Variants in CDH13 observed in about 807,000 individuals in gnomAD.
CDH13 encodes the protein cadherin-13.
In CDH13, 24 loss-of-function variants were observed where a neutral mutation model predicts 63.8. The ratio of observed to expected loss-of-function variants is 0.38; its 90% CI spans 0.27 to 0.53. CDH13 has a LOEUF of 0.53. Among genes scored for constraint, CDH13 ranks in the 20% least tolerant of loss-of-function variants. The pLI is 0.85. For missense variants in CDH13, 1,049 were observed against 903.1 expected, an observed-to-expected ratio of 1.16 and a Z score of -2.07; for synonymous variants, 503 against 355.3, an observed-to-expected ratio of 1.42 and a Z score of -4.67.
chr16:83,109,510 TAATA>T (rs772824810), intron 3 of CDH13, among the ~76,000 whole-genome samples: 6 of 152,158 alleles, frequency 3.9e-5, no homozygotes, highest in African/African-American at 1.4e-4. Context: ...GTCAAACCCC[TAATA>T]AATACCCACT....
At chr16:83,374,515 A>C (rs993965860) in intron 6 of CDH13, among the ~76,000 whole-genome samples, 4 of 152,362 alleles carry the variant, frequency 2.6e-5, no homozygotes, top group Middle Eastern at 3.4e-3. Context: ...CGTAGAAAAC[A>C]TACCCCAAAC....
intron 13 of CDH13, among the ~76,000 whole-genome samples, chr16:83,789,410 G>A (rs994408822): frequency 2.0e-5 from 3 of 150,680 alleles, no homozygotes; most frequent in African/African-American, 7.3e-5. Flanking sequence ...GCAAGGGCGC[G>A]ATTTTGGCTC....
chr16:83,553,850 C>T (rs1275774159), intron 7 of CDH13, among the ~76,000 whole-genome samples: 1 of 152,254 alleles, frequency 6.6e-6, no homozygotes, highest in Admixed American at 6.5e-5. Flanking sequence ...AGCCACCACA[C>T]CCAGCCCAAA....
At chr16:83,568,785 C>T (rs140943634) in intron 7 of CDH13, among the ~76,000 whole-genome samples, 45 of 152,272 alleles carry the variant, frequency 3.0e-4, no homozygotes, top group African/African-American at 1.1e-3. Context: ...CCCAGTTCCT[C>T]CTCCAGAGCT....
intron 3 of CDH13, among the ~76,000 whole-genome samples, chr16:83,078,971 A>G (rs1209801169): frequency 6.6e-6 from 1 of 151,846 alleles, no homozygotes; most frequent in East Asian, 1.9e-4. Flanking sequence ...ATTTTTGTAT[A>G]TTTAGTAGAG....
intron 7 of CDH13, among the ~76,000 whole-genome samples, chr16:83,594,194 T>C (rs1383049195): frequency 1.3e-5 from 2 of 152,230 alleles, no homozygotes; most frequent in African/African-American, 2.4e-5. Context: ...TCTTGTTACA[T>C]CTTCGAAAGA....
chr16:83,403,708 C>A (rs530861911), intron 6 of CDH13, among the ~76,000 whole-genome samples: 1 of 152,230 alleles, frequency 6.6e-6, no homozygotes, highest in East Asian at 1.9e-4. Context: ...AATTTCCAGG[C>A]TATCTCACAC....
At chr16:83,618,673 C>T (rs921487211) in intron 8 of CDH13, among the ~76,000 whole-genome samples, 4 of 151,942 alleles carry the variant, frequency 2.6e-5, no homozygotes, top group South Asian at 2.1e-4. Context: ...AATTCCATCT[C>T]AGAAGTGAAT....
intron 1 of CDH13, among the ~76,000 whole-genome samples, chr16:82,692,641 C>G (rs530582342): frequency 6.6e-6 from 1 of 152,322 alleles, no homozygotes; most frequent in East Asian, 1.9e-4. Context: ...CAGACCACAT[C>G]AGAAACCTTC....
Position 83,346,489 on chromosome 16 carries a change from C to T in CDH13, c.781+1483C>T, listed in dbSNP as rs555754083. On this transcript the variant is annotated intron_variant, in intron 6 of 13. Transcript: ENST00000567109. ...ATTCCCAATTGCTATCTGTGGTACTCGGGCCCCATGAGTGAGTGACTAGAA... is the reference window on the plus strand; with the variant it reads ...ATTCCCAATTGCTATCTGTGGTACTTGGGCCCCATGAGTGAGTGACTAGAA... Among the ~76,000 whole-genome samples, 5 of 152,274 alleles carry T rather than the reference C, an allele frequency of 3.3e-5. No homozygotes were observed. In the South Asian group the frequency reaches 8.3e-4, roughly 25 times the overall value.
At chr16:82,938,839 A>AG (rs954086170) in intron 2 of CDH13, among the ~76,000 whole-genome samples, 5 of 152,190 alleles carry the variant, frequency 3.3e-5, no homozygotes, top group African/African-American at 1.2e-4. Context: ...ATCCATCCTG[A>AG]GGAGGGAGGG....
At chr16:83,410,452 G>C (rs1352612169) in intron 6 of CDH13, among the ~76,000 whole-genome samples, 1 of 152,102 alleles carries the variant, frequency 6.6e-6, no homozygotes, top group Non-Finnish European at 1.5e-5. Flanking sequence ...ACAATCTATA[G>C]ATCAAGATAA....
At chr16:83,363,854 C>T (rs961018941) in intron 6 of CDH13, among the ~76,000 whole-genome samples, 2 of 152,002 alleles carry the variant, frequency 1.3e-5, no homozygotes, top group African/African-American at 2.4e-5. Flanking sequence ...TAAAATGGCC[C>T]GAGAGCAAGA....
chr16:82,676,206 C>G (rs1253046115), intron 1 of CDH13, among the ~76,000 whole-genome samples: 2 of 152,274 alleles, frequency 1.3e-5, no homozygotes, highest in Non-Finnish European at 2.9e-5. Context: ...TCTTGGTGCT[C>G]CAGAGCTGTA....
chr16:83,541,072 C>T (rs534558859), intron 7 of CDH13, among the ~76,000 whole-genome samples: 12 of 152,242 alleles, frequency 7.9e-5, no homozygotes, highest in Admixed American at 7.2e-4. Flanking sequence ...CACTCCCGCT[C>T]AATCCCCAGG....
chr16:83,584,298 C>T (rs1394058866), intron 7 of CDH13, among the ~76,000 whole-genome samples: 1 of 152,190 alleles, frequency 6.6e-6, no homozygotes, highest in Non-Finnish European at 1.5e-5. Context: ...CACTGCACTC[C>T]AGCCCGGGCA....
At chr16:82,862,091 G>A (rs1469614354) in intron 2 of CDH13, among the ~76,000 whole-genome samples, 4 of 152,298 alleles carry the variant, frequency 2.6e-5, no homozygotes, top group Non-Finnish European at 5.9e-5. Context: ...AAGTTTGTGG[G>A]AGGTGTTTTC....
chr16:83,435,556 G>T (rs2072270103), intron 6 of CDH13, among the ~76,000 whole-genome samples: 1 of 152,072 alleles, frequency 6.6e-6, no homozygotes, highest in African/African-American at 2.4e-5. Flanking sequence ...GCCCACTGTA[G>T]TCCACCCTGG....
At chr16:82,630,598 C>T (rs1195835110) in intron 1 of CDH13, among the ~76,000 whole-genome samples, 4 of 152,288 alleles carry the variant, frequency 2.6e-5, no homozygotes, top group Middle Eastern at 3.4e-3. Context: ...ACTGCATTAT[C>T]TAAAAGCATC....
Sources: gnomAD v4.1 joint callset for allele counts (sites outside exome capture counted in the v4.1 genomes callset) on GRCh38, gnomAD v4.1.1 for gene constraint, MANE v1.5 for transcripts, NCBI Gene and HGNC (gene_info 2026-07-23, HGNC 2026-07-21) for gene names.